Variants in TP53BP2 observed in about 807,000 individuals in gnomAD.
TP53BP2 encodes tumor protein p53 binding protein 2.
Under a neutral mutation model 126.2 loss-of-function variants are expected in TP53BP2, and 62 were observed. The ratio of observed to expected loss-of-function variants is 0.49; its 90% CI spans 0.40 to 0.61. TP53BP2 has a LOEUF of 0.61. Ranked by LOEUF, TP53BP2 falls within the 20% of genes least tolerant of loss-of-function variation. The probability of loss-of-function intolerance (pLI) is 0.00; values close to 1 mark genes in which losing one functional copy is unlikely to be tolerated. For synonymous variants in TP53BP2, 485 were observed against 502.9 expected (o/e 0.96, Z 0.48); for missense variants, 1,215 against 1,402.8 (o/e 0.87, Z 2.14).
At chr1:223,794,060 A>G (rs920421366) in intron 13 of TP53BP2, among the ~76,000 whole-genome samples, 2 of 152,160 alleles carry the variant, frequency 1.3e-5, no homozygotes, top group African/African-American at 4.8e-5. Flanking sequence ...TCCTCGGGGG[A>G]AAGCATATAA....
At chr1:223,831,475 AAAAAAATATAT>A (rs1215684034) in intron 1 of TP53BP2, among the ~76,000 whole-genome samples, 979 of 47,060 alleles carry the variant, frequency 0.021, 17 homozygotes, top group Non-Finnish European at 0.027. Flanking sequence ...CTAAAAAAAA[AAAAAAATATAT>A]ATATATATAT....
chr1:223,782,791 ATTTG>A (rs982750641), intron 17 of TP53BP2, among the ~76,000 whole-genome samples: 1 of 152,038 alleles, frequency 6.6e-6, no homozygotes, highest in African/African-American at 2.4e-5. Flanking sequence ...GTCTAATTGT[ATTTG>A]TTTTTCACTT....
chr1:223,819,121 T>A (rs1454349374), intron 2 of TP53BP2, among the ~76,000 whole-genome samples: 1 of 148,882 alleles, frequency 6.7e-6, no homozygotes, highest in African/African-American at 2.5e-5. Flanking sequence ...GAGGCGGAGG[T>A]TGCAGTGAGC....
Position 223,840,520 on chromosome 1 carries a change from GTA to G in TP53BP2, c.27+5132_27+5133del, listed in dbSNP as rs1664069409. Among the ~76,000 whole-genome samples the G allele has an allele frequency of 3.9e-5, 6 of 152,158 alleles. No individual in the cohort carries two copies. In the South Asian group the frequency reaches 1.2e-3, roughly 32 times the overall value. The stretch of plus-strand genomic sequence containing the variant: ...GTGGAGAAAGCTGGTGAGAGGTATG[GTA>G]TGCAGTTATCCCATTTAAGCTAAGG... On this transcript the variant is annotated intron_variant, in intron 1 of 17. Coordinates refer to ENST00000343537, the MANE Select transcript of TP53BP2 (RefSeq NM_001031685.3).
intron 1 of TP53BP2, among the ~76,000 whole-genome samples, chr1:223,830,161 G>A (rs1558108620): frequency 2.0e-5 from 3 of 152,178 alleles, no homozygotes; most frequent in Admixed American, 1.3e-4. Flanking sequence ...GGGACCAGAA[G>A]TGTCTCGTAT....
chr1:223,797,055 A>T (rs186257487), intron 12 of TP53BP2, among the ~76,000 whole-genome samples: 99 of 152,342 alleles, frequency 6.5e-4, no homozygotes, highest in Non-Finnish European at 1.2e-3. Flanking sequence ...TACCAAAGAT[A>T]TTCCCTGTTA....
intron 16 of TP53BP2, among the ~76,000 whole-genome samples, chr1:223,787,850 C>T (rs1165069427): frequency 1.3e-5 from 2 of 151,986 alleles, no homozygotes; most frequent in African/African-American, 4.8e-5. Flanking sequence ...TGCACTCCAA[C>T]CTGAGTGACA....
At chr1:223,819,324 G>A (rs1571865006) in intron 2 of TP53BP2, among the ~76,000 whole-genome samples, 2 of 152,168 alleles carry the variant, frequency 1.3e-5, no homozygotes, top group East Asian at 3.9e-4. Context: ...GGCAAAGATA[G>A]AACACTTCTT....
intron 12 of TP53BP2, among the ~76,000 whole-genome samples, chr1:223,797,345 T>A (rs868770352): frequency 6.6e-6 from 1 of 152,158 alleles, no homozygotes; most frequent in Non-Finnish European, 1.5e-5. Context: ...CTTCTGTTTT[T>A]ACATTTAGCT....
chr1:223,837,747 G>C (rs1053042690), intron 1 of TP53BP2, among the ~76,000 whole-genome samples: 8 of 152,276 alleles, frequency 5.3e-5, no homozygotes, highest in African/African-American at 1.9e-4. Flanking sequence ...CAGCAACAGA[G>C]TGAGCTTTCC....
chr1:223,813,614 G>T (rs1571860580), intron 3 of TP53BP2, among the ~76,000 whole-genome samples: 2 of 152,034 alleles, frequency 1.3e-5, no homozygotes, highest in Non-Finnish European at 2.9e-5. Context: ...CAATTGCCTA[G>T]AAAAATTTGT....
intron 16 of TP53BP2, among the ~76,000 whole-genome samples, chr1:223,785,973 G>A (rs909243340): frequency 1.3e-5 from 2 of 152,142 alleles, no homozygotes; most frequent in African/African-American, 4.8e-5. Context: ...ATGTTCACAG[G>A]GATGTTTACA....
rs953183221 is a variant in TP53BP2 at position 223,796,667 on chromosome 1, A to G, written c.1949-77T>C. 57 of 1,354,888 alleles carry G rather than the reference A, an allele frequency of 4.2e-5. No homozygotes were observed. Among genetic ancestry groups the G allele is most frequent in the Non-Finnish European group, 5.6e-5 (56 of 1,004,896 alleles). 83.9% of individuals were successfully genotyped at this position (1,354,888 alleles called of 1,614,324 possible). On this transcript the variant is annotated intron_variant, in intron 12 of 17. Coordinates refer to ENST00000343537, the MANE Select transcript of TP53BP2 (RefSeq NM_001031685.3). This position sits in a 1 kb window ranked among gnomAD's most constrained non-coding sequence, Gnocchi z 4.2. Reference sequence around the variant, plus strand: ...CTGGCAAGAAACAGAAACAGCTAACAATAACTAAAGCCTCTTTTAATTTCA... The same window carrying G: ...CTGGCAAGAAACAGAAACAGCTAACGATAACTAAAGCCTCTTTTAATTTCA...
At chr1:223,805,890 C>T (rs887008286) in intron 5 of TP53BP2, among the ~76,000 whole-genome samples, 5 of 152,192 alleles carry the variant, frequency 3.3e-5, no homozygotes, top group Non-Finnish European at 1.5e-5. Flanking sequence ...GTAGTTGCAA[C>T]AGAGGCAGCA....
rs1432407190 is a variant in TP53BP2 at position 223,799,935 on chromosome 1, C to G, written c.1449G>C (p.Lys483Asn). Residue 483 changes from lysine to asparagine, a missense_variant, in exon 11 of 18, where the codon AAG (lysine) becomes AAC (asparagine). Around this residue, in one of 4 missense-constraint regions of TP53BP2, gnomAD observed 814 missense variants for 853.0 expected, o/e 0.95. Coordinates refer to ENST00000343537, the MANE Select transcript of TP53BP2 (RefSeq NM_001031685.3). Reference protein sequence around the residue: ...NAPPSFGTLRKNQSSEDILRD... With the variant: ...NAPPSFGTLRNNQSSEDILRD... ...GCAAGATATCTTCACTGCTCTGGTT[C>G]TTCCTCAGAGTACCAAAGGAAGGTG... is the stretch of plus-strand genomic sequence containing the variant. 2 of 1,610,118 alleles carry G rather than the reference C, an allele frequency of 1.2e-6. No individual in the cohort carries two copies. Among genetic ancestry groups the G allele is most frequent in the African/African-American group, 2.7e-5 (2 of 74,654 alleles).
intron 13 of TP53BP2, 30 bp from the exon 14 acceptor site, chr1:223,793,470 A>T: frequency 6.6e-7 from 1 of 1,525,316 alleles, no homozygotes. Flanking sequence ...AAAATTTAGG[A>T]TCCTCGTCTA....
chr1:223,804,124 A>C lies in TP53BP2; in HGVS notation c.649+50T>G, dbSNP rs762134989. ...ACACAGTAAGACCCTGTCTCAAAAA[A>C]ACCAGACAAATAAATGTATAAAAAA... is the stretch of plus-strand genomic sequence containing the variant. On this transcript the variant is annotated intron_variant, in intron 6 of 17. Transcript: ENST00000343537. 5 of 1,566,852 alleles carry C rather than the reference A, an allele frequency of 3.2e-6. No homozygotes were observed. The East Asian group carries it at 1.1e-4, about 35-fold the overall frequency.
chr1:223,793,894 T>C (rs1466242669), intron 13 of TP53BP2, among the ~76,000 whole-genome samples: 2 of 152,140 alleles, frequency 1.3e-5, no homozygotes, highest in Non-Finnish European at 2.9e-5. Context: ...CTATATTGAA[T>C]GATTATTCAT....
chr1:223,815,367 A>G (rs1041390776), intron 2 of TP53BP2, among the ~76,000 whole-genome samples: 6 of 152,174 alleles, frequency 3.9e-5, no homozygotes, highest in African/African-American at 1.4e-4. Context: ...CCTTTTATAA[A>G]CCACACATAT....
Sources: gnomAD v4.1 joint callset for allele counts (sites outside exome capture counted in the v4.1 genomes callset) on GRCh38, gnomAD v4.1.1 for gene constraint, gnomAD v4.1.1 regional missense constraint, Gnocchi (gnomAD v3.1) non-coding constraint, MANE v1.5 for transcripts, NCBI Gene and HGNC (gene_info 2026-07-23, HGNC 2026-07-21) for gene names.